Variants in VWA8 observed in about 807,000 individuals in gnomAD.
The protein encoded by VWA8 is von Willebrand factor A domain containing 8.
Under a neutral mutation model 241.5 loss-of-function variants are expected in VWA8, and 221 were observed. The observed-to-expected ratio is 0.91, with a 90% confidence interval of 0.82 to 1.02. VWA8 has a LOEUF of 1.02. Ranked by LOEUF, VWA8 falls within the 50% of genes least tolerant of loss-of-function variation. VWA8 has a pLI of 0.00. For synonymous variants in VWA8, 852 were observed against 827.1 expected (o/e 1.03, Z -0.52); for missense variants, 2,322 against 2,328.7 (o/e 1.00, Z 0.06).
At chr13:41,777,635 G>T (rs1285718775) in intron 20 of VWA8, among the ~76,000 whole-genome samples, 1 of 152,178 alleles carries the variant, frequency 6.6e-6, no homozygotes, top group South Asian at 2.1e-4. Context: ...AGATACTACA[G>T]AATGGAGAGT....
At chr13:41,586,497 T>C (rs2044418965) in intron 42 of VWA8, among the ~76,000 whole-genome samples, 2 of 152,238 alleles carry the variant, frequency 1.3e-5, no homozygotes, top group African/African-American at 4.8e-5. Flanking sequence ...GCCCTTCTTC[T>C]TCCACTTAAT....
chr13:41,673,490 G>A (rs1451046425), intron 36 of VWA8, among the ~76,000 whole-genome samples: 1 of 152,078 alleles, frequency 6.6e-6, no homozygotes, highest in Non-Finnish European at 1.5e-5. Flanking sequence ...AATTCATACT[G>A]ACAATGAAAC....
intron 2 of VWA8, among the ~76,000 whole-genome samples, chr13:41,947,772 C>A (rs1566048648): frequency 1.3e-5 from 2 of 151,132 alleles, no homozygotes; most frequent in Non-Finnish European, 3.0e-5. Flanking sequence ...CCATCTCTAC[C>A]AAAAAATACA....
intron 20 of VWA8, among the ~76,000 whole-genome samples, chr13:41,765,723 C>T (rs1177660749): frequency 1.3e-5 from 2 of 152,180 alleles, no homozygotes; most frequent in South Asian, 4.2e-4. Flanking sequence ...TAATTTTGTT[C>T]CTATACATAT....
At chr13:41,857,696 T>C (rs73185317) in intron 12 of VWA8, among the ~76,000 whole-genome samples, 1,814 of 152,324 alleles carry the variant, frequency 0.012, 14 homozygotes, top group East Asian at 0.021. Context: ...TGAAATGACA[T>C]TTAATGAAAA....
chr13:41,582,383 G>A (rs2044388520), intron 42 of VWA8, among the ~76,000 whole-genome samples: 1 of 152,148 alleles, frequency 6.6e-6, no homozygotes, highest in South Asian at 2.1e-4. Context: ...AGAGAGATGG[G>A]GAGAGTCCAG....
chr13:41,661,708 T>G (rs2044951156), intron 37 of VWA8, among the ~76,000 whole-genome samples: 1 of 152,206 alleles, frequency 6.6e-6, no homozygotes. Flanking sequence ...CAACAATGAA[T>G]GATGACATGG....
At chr13:41,611,397 TG>T (rs2044587230) in intron 39 of VWA8, among the ~76,000 whole-genome samples, 178 bp downstream of exon 39, 1 of 152,108 alleles carries the variant, frequency 6.6e-6, no homozygotes, top group Non-Finnish European at 1.5e-5. Flanking sequence ...AAAGAACAGG[TG>T]ATTTTGTTTA....
At position 41,886,812 on chromosome 13, in the gene VWA8, A is replaced by G. The variant is rs767837226; in HGVS notation, c.835T>C (p.Tyr279His). The change falls in exon 7 of 45, where the codon TAT (tyrosine) becomes CAT (histidine). Residue 279 changes from tyrosine (Y) to histidine (H), a missense_variant. By Grantham distance (83) the Tyr-to-His change is moderately conservative. Transcript: ENST00000379310. ...GCAGAAACATTGGCTCCAATTGAATATAACAACTTAAGTTGGTCCTAAAGT... is the reference window on the plus strand; with the variant it reads ...GCAGAAACATTGGCTCCAATTGAATGTAACAACTTAAGTTGGTCCTAAAGT... ...LPFKDQLKLL[Y>H]SIGANVSAEK... 1.8e-5 allele frequency: 29 copies of G among 1,592,954 alleles called. No homozygotes were observed. The Admixed American group carries it at 3.0e-4, about 16-fold the overall frequency.
chr13:41,770,609 T>G (rs756926313), intron 20 of VWA8, among the ~76,000 whole-genome samples: 1 of 151,960 alleles, frequency 6.6e-6, no homozygotes, highest in Non-Finnish European at 1.5e-5. Context: ...CATTAAGAGA[T>G]TCTTTCTAGG....
intron 37 of VWA8, among the ~76,000 whole-genome samples, chr13:41,637,908 G>A (rs2044769761): frequency 6.6e-6 from 1 of 152,148 alleles, no homozygotes; most frequent in Non-Finnish European, 1.5e-5. Flanking sequence ...ATCATGCATG[G>A]CAGCAGGCTG....
At chr13:41,625,880 C>T (rs1404943415) in intron 37 of VWA8, among the ~76,000 whole-genome samples, 6 of 151,820 alleles carry the variant, frequency 4.0e-5, no homozygotes, top group African/African-American at 1.5e-4. Context: ...GGCACATATA[C>T]ACCATGGAAT....
chr13:41,586,771 CTG>C (rs770216778), intron 42 of VWA8, among the ~76,000 whole-genome samples: 6 of 152,308 alleles, frequency 3.9e-5, no homozygotes, highest in Non-Finnish European at 7.3e-5. Context: ...TGTCTATGGA[CTG>C]TGTGTCCTTC....
chr13:41,572,156 G>T (rs530485364), intron 43 of VWA8, among the ~76,000 whole-genome samples: 1 of 151,712 alleles, frequency 6.6e-6, no homozygotes, highest in East Asian at 2.0e-4. Flanking sequence ...CCTGGCAGCC[G>T]CCCCGTCCGG....
At chr13:41,732,004 T>A (rs141777501) in intron 22 of VWA8, 76 bp downstream of exon 22, 31 of 1,280,494 alleles carry the variant, frequency 2.4e-5, no homozygotes, top group Middle Eastern at 2.2e-4. Flanking sequence ...CCATGAGAGT[T>A]CCATCCTCCA....
intron 38 of VWA8, among the ~76,000 whole-genome samples, chr13:41,613,896 A>T (rs1392480259): frequency 6.6e-6 from 1 of 152,218 alleles, no homozygotes. Flanking sequence ...AGGAGCCTTG[A>T]TCAATTGAAA....
chr13:41,643,920 C>T (rs1247267076), intron 37 of VWA8, among the ~76,000 whole-genome samples: 1 of 152,062 alleles, frequency 6.6e-6, no homozygotes, highest in African/African-American at 2.4e-5. Flanking sequence ...GCAGGGCTAA[C>T]ATTACCACAA....
intron 5 of VWA8, among the ~76,000 whole-genome samples, chr13:41,889,293 C>T (rs1405713728): frequency 2.0e-5 from 3 of 151,992 alleles, no homozygotes; most frequent in African/African-American, 2.4e-5. Context: ...CCGATAAAAA[C>T]TTATGTGTTT....
intron 29 of VWA8, among the ~76,000 whole-genome samples, chr13:41,694,857 C>A (rs894181234): frequency 6.6e-6 from 1 of 152,142 alleles, no homozygotes; most frequent in Non-Finnish European, 1.5e-5. Context: ...CTAATACTTA[C>A]ATATTCATAA....
Sources: gnomAD v4.1 joint callset for allele counts (sites outside exome capture counted in the v4.1 genomes callset) on GRCh38, gnomAD v4.1.1 for gene constraint, MANE v1.5 for transcripts, NCBI Gene and HGNC (gene_info 2026-07-23, HGNC 2026-07-21) for gene names.